The following EDIL3 variants were observed in gnomAD, a reference collection of about 807,000 sequenced individuals.
EDIL3 encodes EGF-like repeat and discoidin I-like domain-containing protein 3.
In EDIL3, 37 loss-of-function variants were observed where a neutral mutation model predicts 67.4. The ratio of observed to expected loss-of-function variants is 0.55; its 90% CI spans 0.42 to 0.72. The LOEUF (loss-of-function observed/expected upper bound fraction) is 0.72. EDIL3 is among the 30% of genes least tolerant of loss of function. The pLI, the probability that EDIL3 is intolerant of heterozygous loss-of-function variation, is 0.00. For synonymous variants in EDIL3, 195 were observed against 196.3 expected (o/e 0.99, Z 0.05); for missense variants, 527 against 586.3 (o/e 0.90, Z 1.04).
intron 3 of EDIL3, among the ~76,000 whole-genome samples, chr5:84,200,864 T>C (rs1743817077): frequency 1.3e-5 from 2 of 151,958 alleles, no homozygotes; most frequent in South Asian, 4.1e-4. Context: ...TGAGAAATCT[T>C]CAAGTCTATA....
chr5:84,085,620 G>A (rs992099211), intron 6 of EDIL3, among the ~76,000 whole-genome samples: 1 of 152,210 alleles, frequency 6.6e-6, no homozygotes, highest in African/African-American at 2.4e-5. Flanking sequence ...GTCGACCCCT[G>A]TTGGGAGGTC....
chr5:84,146,157 G>A (rs758356244), intron 4 of EDIL3, among the ~76,000 whole-genome samples: 18 of 152,048 alleles, frequency 1.2e-4, no homozygotes, highest in Admixed American at 2.6e-4. Flanking sequence ...CCTTCCACTT[G>A]TAGATTACTT....
At chr5:84,306,851 C>G (rs958003051) in intron 1 of EDIL3, among the ~76,000 whole-genome samples, 1 of 152,224 alleles carries the variant, frequency 6.6e-6, no homozygotes, top group Non-Finnish European at 1.5e-5. Context: ...CCCACCTTCA[C>G]TACTCACCAG....
chr5:84,366,332 C>A (rs114912396), intron 1 of EDIL3, among the ~76,000 whole-genome samples: 1 of 152,024 alleles, frequency 6.6e-6, no homozygotes. Context: ...ATGCACTTAA[C>A]CTCTATTAAA....
intron 9 of EDIL3, among the ~76,000 whole-genome samples, chr5:84,044,770 T>C (rs1746191182): frequency 6.6e-6 from 1 of 152,056 alleles, no homozygotes; most frequent in South Asian, 2.1e-4. Flanking sequence ...GACCCATGTG[T>C]ACTAAGAAGC....
chr5:84,113,514 A>G (rs2125335), intron 5 of EDIL3, among the ~76,000 whole-genome samples: 109,943 of 151,428 alleles, frequency 0.73, 40,028 homozygotes, highest in Middle Eastern at 0.77. Flanking sequence ...TCCCCATAGC[A>G]ACTTTTCTGC....
intron 9 of EDIL3, among the ~76,000 whole-genome samples, chr5:84,038,870 T>C (rs1163043125): frequency 1.3e-5 from 2 of 152,244 alleles, no homozygotes; most frequent in African/African-American, 4.8e-5. Context: ...CTAGTTTCTA[T>C]GTTAATGCTA....
chr5:84,049,015 C>T (rs1580298740), intron 9 of EDIL3, among the ~76,000 whole-genome samples: 2 of 152,056 alleles, frequency 1.3e-5, no homozygotes, highest in East Asian at 3.9e-4. Flanking sequence ...CTGTTGAAAG[C>T]CAGTGATAAC....
At chr5:84,367,825 T>C (rs1747771999) in intron 1 of EDIL3, among the ~76,000 whole-genome samples, 1 of 152,164 alleles carries the variant, frequency 6.6e-6, no homozygotes, top group South Asian at 2.1e-4. Flanking sequence ...GATAATTTGC[T>C]TGTTTATTTT....
chr5:83,951,778 A>C (rs1032547964), intron 10 of EDIL3, among the ~76,000 whole-genome samples: 1 of 151,796 alleles, frequency 6.6e-6, no homozygotes, highest in Non-Finnish European at 1.5e-5. Flanking sequence ...AGGAGGAAAT[A>C]GCACATTTTT....
intron 9 of EDIL3, among the ~76,000 whole-genome samples, chr5:84,016,702 C>T (rs1175905503): frequency 3.3e-5 from 5 of 152,054 alleles, no homozygotes; most frequent in Non-Finnish European, 7.4e-5. Context: ...CAAATGCATC[C>T]CTGGTTACTC....
intron 9 of EDIL3, among the ~76,000 whole-genome samples, chr5:84,028,775 TA>T (rs1745864812): frequency 2.0e-5 from 3 of 152,082 alleles, no homozygotes; most frequent in Non-Finnish European, 4.4e-5. Context: ...ATAGATATAC[TA>T]GTATATATAA....
intron 1 of EDIL3, among the ~76,000 whole-genome samples, chr5:84,342,597 T>C (rs558919649): frequency 2.2e-4 from 34 of 152,138 alleles, no homozygotes; most frequent in African/African-American, 7.9e-4. Context: ...AATGCATGCT[T>C]TTTTCCTTAT....
intron 6 of EDIL3, among the ~76,000 whole-genome samples, chr5:84,077,551 A>G (rs1368813348): frequency 2.0e-5 from 3 of 152,186 alleles, no homozygotes; most frequent in Non-Finnish European, 4.4e-5. Context: ...GAATGTATGC[A>G]GGGATCTGCC....
intron 6 of EDIL3, among the ~76,000 whole-genome samples, chr5:84,080,625 G>GT (rs1410452472): frequency 2.0e-5 from 3 of 148,976 alleles, no homozygotes; most frequent in Non-Finnish European, 4.5e-5. Flanking sequence ...AAAAGAAAAG[G>GT]TTTTTTTCTA....
At chr5:84,039,777 T>G (rs1381166020) in intron 9 of EDIL3, among the ~76,000 whole-genome samples, 1 of 152,032 alleles carries the variant, frequency 6.6e-6, no homozygotes, top group African/African-American at 2.4e-5. Context: ...AGCACAAACC[T>G]GCACATTGTG....
chr5:84,118,074 TA>T (rs1434656918), intron 5 of EDIL3, among the ~76,000 whole-genome samples: 1 of 152,162 alleles, frequency 6.6e-6, no homozygotes, highest in Non-Finnish European at 1.5e-5. Context: ...ACAGGGAAGA[TA>T]AATTGCATAA....
chr5:84,036,107 A>G (rs907293353), intron 9 of EDIL3, among the ~76,000 whole-genome samples: 14 of 152,192 alleles, frequency 9.2e-5, no homozygotes, highest in African/African-American at 3.4e-4. Context: ...ATCAGAACCA[A>G]TGACCACTAT....
intron 6 of EDIL3, among the ~76,000 whole-genome samples, chr5:84,068,131 C>CT (rs1164478548): frequency 6.6e-6 from 1 of 152,142 alleles, no homozygotes; most frequent in East Asian, 1.9e-4. Context: ...AACTATGCAA[C>CT]TTGAAAGAGG....
Sources: allele counts gnomAD v4.1 joint callset (sites outside exome capture counted in the v4.1 genomes callset), GRCh38; gene constraint gnomAD v4.1.1; transcripts MANE v1.5; gene names NCBI Gene and HGNC (gene_info 2026-07-23, HGNC 2026-07-21).